The following TCF4 variants were observed in gnomAD, a reference collection of about 807,000 sequenced individuals.
The protein encoded by TCF4 is transcription factor 4.
TCF4 carries 3 observed loss-of-function variants against 82.1 expected under a neutral mutation model. That is an observed-to-expected ratio of 0.04 (90% CI 0.02 to 0.09). The LOEUF (loss-of-function observed/expected upper bound fraction) is 0.09. TCF4 is among the 10% of genes least tolerant of loss of function. TCF4 has a pLI of 1.00. For missense variants in TCF4, 518 were observed against 852.7 expected, an observed-to-expected ratio of 0.61 and a Z score of 4.89; for synonymous variants, 276 against 309.6, an observed-to-expected ratio of 0.89 and a Z score of 1.14.
At chr18:55,622,390 C>T (rs1027871046) in intron 2 of TCF4, among the ~76,000 whole-genome samples, 2 of 151,338 alleles carry the variant, frequency 1.3e-5, no homozygotes, top group Admixed American at 6.6e-5. Context: ...GCCCGTGGTC[C>T]CAGCTACTCG....
intron 3 of TCF4, among the ~76,000 whole-genome samples, chr18:55,498,438 C>G (rs988001979): frequency 2.0e-5 from 3 of 152,186 alleles, no homozygotes; most frequent in African/African-American, 7.2e-5. Flanking sequence ...GTGTCATGAC[C>G]ATGGTCAGCT....
chr18:55,258,414 C>T (rs1374067539), intron 13 of TCF4, among the ~76,000 whole-genome samples: 1 of 152,038 alleles, frequency 6.6e-6, no homozygotes. Flanking sequence ...CTACTCAGGT[C>T]GAGGGAATTT....
intron 3 of TCF4, among the ~76,000 whole-genome samples, chr18:55,509,502 G>A (rs767853061): frequency 6.6e-6 from 1 of 152,034 alleles, no homozygotes; most frequent in Non-Finnish European, 1.5e-5. Context: ...GCAGCCCCCA[G>A]AATTATAAAC....
intron 1 of TCF4, chr18:55,635,614 C>T (rs610362): frequency 1 from 1,453,839 of 1,454,254 alleles, 726,714 homozygotes; most frequent in Middle Eastern, 1. Context: ...TAGAAACTAC[C>T]GTTATGTTTG....
At chr18:55,240,351 T>G (rs1168931729) in intron 15 of TCF4, among the ~76,000 whole-genome samples, 1 of 152,200 alleles carries the variant, frequency 6.6e-6, no homozygotes, top group East Asian at 1.9e-4. Flanking sequence ...AGAAACCCAT[T>G]GATACAGAAA....
Position 55,412,549 on chromosome 18 carries a change from G to A in TCF4, c.305-9031C>T, listed in dbSNP as rs769079143. Among the ~76,000 whole-genome samples, 63 of 152,038 alleles carry A rather than the reference G, an allele frequency of 4.1e-4. 1 individual carries two copies. The highest frequency in any genetic ancestry group is 7.4e-5 in the Non-Finnish European group (5 of 67,998). On this transcript the variant is annotated intron_variant, in intron 5 of 19. Coordinates refer to ENST00000354452, the MANE Select transcript of TCF4 (RefSeq NM_001083962.2). ...CTTTAGAATCCAGGATCCAACTCTA[G>A]TGAACCTGACCTGGTTCGTTCATTT...
chr18:55,634,298 A>G (rs1436909394), intron 1 of TCF4, among the ~76,000 whole-genome samples: 3 of 152,104 alleles, frequency 2.0e-5, no homozygotes, highest in African/African-American at 7.2e-5. Flanking sequence ...AACAAAAAAA[A>G]AAACTAGAAT....
intron 5 of TCF4, chr18:55,422,377 A>AAAGGGAAAAGGAAAG (rs1254506240): frequency 2.0e-6 from 2 of 985,042 alleles, no homozygotes; most frequent in African/African-American, 3.5e-5. Flanking sequence ...AATAGTCTTG[A>AAAGGGAAAAGGAAAG]AAGGGAAAAG....
chr18:55,452,177 G>A (rs751084839), intron 5 of TCF4, among the ~76,000 whole-genome samples: 2 of 152,156 alleles, frequency 1.3e-5, no homozygotes, highest in African/African-American at 4.8e-5. Flanking sequence ...TTCATGACAT[G>A]AGACTGTTCA....
intron 8 of TCF4, among the ~76,000 whole-genome samples, chr18:55,280,840 A>C (rs996581857): frequency 6.6e-6 from 1 of 152,170 alleles, no homozygotes; most frequent in Non-Finnish European, 1.5e-5. Flanking sequence ...CTCTCAGAAC[A>C]CCATGAATCA....
chr18:55,574,034 T>C (rs142375835), intron 3 of TCF4, among the ~76,000 whole-genome samples: 7 of 152,322 alleles, frequency 4.6e-5, no homozygotes, highest in African/African-American at 1.4e-4. Flanking sequence ...GAGTACCATC[T>C]ACACATCCAA....
At chr18:55,610,600 G>A (rs2147962742) in intron 2 of TCF4, among the ~76,000 whole-genome samples, 1 of 152,212 alleles carries the variant, frequency 6.6e-6, no homozygotes. Context: ...TTTTTCCATT[G>A]ATTCCAAATT....
intron 5 of TCF4, among the ~76,000 whole-genome samples, chr18:55,425,257 T>A (rs1242777752): frequency 6.6e-6 from 1 of 152,134 alleles, no homozygotes. Context: ...GCAGATTGGA[T>A]TCGTTGAAAT....
chr18:55,490,914 T>C (rs1362034690), intron 3 of TCF4, among the ~76,000 whole-genome samples: 1 of 151,996 alleles, frequency 6.6e-6, no homozygotes, highest in East Asian at 1.9e-4. Flanking sequence ...TTGAGAGAGA[T>C]TAGAGAAGAT....
intron 8 of TCF4, among the ~76,000 whole-genome samples, chr18:55,326,401 C>CAAAAAAAAAA (rs59228811): frequency 1.1e-4 from 3 of 26,378 alleles, no homozygotes; most frequent in Admixed American, 5.9e-4. Context: ...AGAGCAGCAG[C>CAAAAAAAAAA]AAAAAAAAAA....
intron 3 of TCF4, among the ~76,000 whole-genome samples, chr18:55,483,996 C>T (rs999675906): frequency 1.3e-5 from 2 of 152,208 alleles, no homozygotes; most frequent in African/African-American, 4.8e-5. Context: ...CAACTTTATA[C>T]ATCAGAGAAA....
At chr18:55,573,818 G>A (rs606309) in intron 3 of TCF4, among the ~76,000 whole-genome samples, 1 of 152,090 alleles carries the variant, frequency 6.6e-6, no homozygotes, top group Non-Finnish European at 1.5e-5. Flanking sequence ...CCTCCATGTA[G>A]GCAACATCAG....
chr18:55,342,340 C>T (rs2080169251), intron 8 of TCF4, among the ~76,000 whole-genome samples: 1 of 152,032 alleles, frequency 6.6e-6, no homozygotes, highest in African/African-American at 2.4e-5. Flanking sequence ...GTGCCAATGT[C>T]TTATACACCT....
intron 3 of TCF4, among the ~76,000 whole-genome samples, chr18:55,523,807 ATTT>A (rs1285815133): frequency 6.6e-6 from 1 of 152,062 alleles, no homozygotes; most frequent in Non-Finnish European, 1.5e-5. Context: ...CTCCTTTACA[ATTT>A]TTTTAAAAAA....
Sources: gnomAD v4.1 joint callset for allele counts (sites outside exome capture counted in the v4.1 genomes callset) on GRCh38, gnomAD v4.1.1 for gene constraint, MANE v1.5 for transcripts, NCBI Gene and HGNC (gene_info 2026-07-23, HGNC 2026-07-21) for gene names.